PPM1L: variants seen among roughly 807,000 people sequenced by gnomAD.
The protein encoded by PPM1L is protein phosphatase, Mg2+/Mn2+ dependent 1L.
Under a neutral mutation model 31.4 loss-of-function variants are expected in PPM1L, and 13 were observed. That is an observed-to-expected ratio of 0.41 (90% CI 0.27 to 0.66). The LOEUF (loss-of-function observed/expected upper bound fraction) is 0.66. Among genes scored for constraint, PPM1L ranks in the 30% least tolerant of loss-of-function variants. The pLI is 0.29. For missense variants in PPM1L, 326 were observed against 453.7 expected (o/e 0.72, Z 2.56); for synonymous variants, 184 against 175.4 (o/e 1.05, Z -0.39).
intron 2 of PPM1L, among the ~76,000 whole-genome samples, chr3:161,002,511 C>A (rs1293394554): frequency 6.6e-6 from 1 of 151,670 alleles, no homozygotes; most frequent in Non-Finnish European, 1.5e-5. Context: ...TGTTTCCTGA[C>A]TTTTTAATGA....
At chr3:160,965,414 A>T (rs573523588) in intron 2 of PPM1L, among the ~76,000 whole-genome samples, 1 of 152,172 alleles carries the variant, frequency 6.6e-6, no homozygotes, top group East Asian at 1.9e-4. Context: ...ACATACACCC[A>T]TTCTGTTTTT....
intron 2 of PPM1L, chr3:161,022,558 C>T (rs1718262044): frequency 6.2e-6 from 1 of 161,408 alleles, no homozygotes; most frequent in African/African-American, 2.4e-5. Context: ...CCTTGTATTT[C>T]ACTTTGAAGG....
chr3:160,929,050 G>T (rs1208160664), intron 1 of PPM1L, among the ~76,000 whole-genome samples: 1 of 151,882 alleles, frequency 6.6e-6, no homozygotes, highest in Non-Finnish European at 1.5e-5. Flanking sequence ...GTTTTGCTTT[G>T]CTTAAGGTAG....
chr3:161,016,982 T>TC (rs1371252532), intron 2 of PPM1L, among the ~76,000 whole-genome samples: 1 of 152,206 alleles, frequency 6.6e-6, no homozygotes, highest in Non-Finnish European at 1.5e-5. Context: ...CTTCTTTTTT[T>TC]TTCTTCTTCT....
In PPM1L at chr3:160,808,412, T is replaced by TGCGTGC. The variant is rs1320794227; in HGVS notation, c.399+51706_399+51707insCGTGCG. 3.7e-3 allele frequency among the ~76,000 whole-genome samples: 448 copies of TGCGTGC among 122,456 alleles called. 11 individuals are homozygous for TGCGTGC. The highest frequency in any genetic ancestry group is 4.4e-3 in the Non-Finnish European group (255 of 57,828). The allele number at this position is 122,456 out of a possible 152,430, so 80.3% of individuals were successfully genotyped here. ...GTGTGTGTGTGTGTGTGTGTGTGTG[T>TGCGTGC]GTGTGTGTGTGGTGGGTGAGGGAAG... is the stretch of plus-strand genomic sequence containing the variant. On this transcript the variant is annotated intron_variant, in intron 1 of 3. Transcript: ENST00000498165.
intron 1 of PPM1L, among the ~76,000 whole-genome samples, chr3:160,941,769 T>C (rs1018064626): frequency 3.9e-5 from 6 of 152,236 alleles, no homozygotes; most frequent in Non-Finnish European, 7.3e-5. Flanking sequence ...TGTATTATTT[T>C]GTAGTTATTT....
intron 1 of PPM1L, among the ~76,000 whole-genome samples, chr3:160,807,172 C>T (rs568949702): frequency 3.3e-5 from 5 of 152,228 alleles, no homozygotes; most frequent in African/African-American, 7.2e-5. Flanking sequence ...GAGATTAAAA[C>T]ATTTGGTGAT....
intron 1 of PPM1L, among the ~76,000 whole-genome samples, chr3:160,918,032 A>T (rs1277646759): frequency 6.6e-6 from 1 of 152,206 alleles, no homozygotes; most frequent in Non-Finnish European, 1.5e-5. Flanking sequence ...CCAGCTGCAC[A>T]TGCACACTTG....
chr3:161,041,372 TG>T lies in PPM1L; in HGVS notation c.575-24028del, dbSNP rs1388375175. Among the ~76,000 whole-genome samples the T allele has an allele frequency of 3.3e-5, 5 of 152,238 alleles. No individual in the cohort carries two copies. The East Asian group carries it at 9.6e-4, about 29-fold the overall frequency. ...AAACCAAGCTGCACCCTGACCACCT[TG>T]GGCACATGTTCGCAGGATCTCCTGA... is the stretch of plus-strand genomic sequence containing the variant. On this transcript the variant is annotated intron_variant, in intron 2 of 3. Transcript: ENST00000498165.
Position 160,843,011 on chromosome 3 carries a change from T to A in PPM1L, c.399+86304T>A, listed in dbSNP as rs187641750. 9.9e-5 allele frequency among the ~76,000 whole-genome samples: 15 copies of A among 152,274 alleles called. No homozygotes were observed. In the East Asian group the frequency reaches 2.7e-3, roughly 27 times the overall value. ...TTAGATTCCCTTTCACTCTTTCACT[T>A]TTTCCAATAGTTTTTGGCTTTTACT... On this transcript the variant is annotated intron_variant, in intron 1 of 3. Transcript: ENST00000498165.
chr3:160,824,876 T>C (rs1054161590), intron 1 of PPM1L, among the ~76,000 whole-genome samples: 2 of 152,180 alleles, frequency 1.3e-5, no homozygotes, highest in Non-Finnish European at 2.9e-5. Context: ...TTTTATACTC[T>C]CTTTCCTGCC....
chr3:160,852,248 C>T (rs1382127303), intron 1 of PPM1L, among the ~76,000 whole-genome samples: 8 of 152,070 alleles, frequency 5.3e-5, no homozygotes, highest in Admixed American at 1.3e-4. Context: ...GCACCCAGGA[C>T]GATCAGGACA....
intron 2 of PPM1L, among the ~76,000 whole-genome samples, chr3:160,969,676 C>T (rs186814563): frequency 1.3e-5 from 2 of 152,308 alleles, no homozygotes; most frequent in East Asian, 1.9e-4. Context: ...GACCCCATTT[C>T]TTAGCTCAAA....
intron 2 of PPM1L, among the ~76,000 whole-genome samples, chr3:160,990,721 C>T (rs765621007): frequency 3.4e-4 from 52 of 152,260 alleles, no homozygotes; most frequent in Non-Finnish European, 5.4e-4. Flanking sequence ...TATACTAAAG[C>T]GATTCCCAAA....
intron 2 of PPM1L, among the ~76,000 whole-genome samples, chr3:161,064,512 C>A (rs976882519): frequency 2.0e-5 from 3 of 151,918 alleles, no homozygotes; most frequent in Non-Finnish European, 2.9e-5. Flanking sequence ...ATAATTTTAA[C>A]GAGGGAGATA....
chr3:160,839,452 C>T (rs1713805640), intron 1 of PPM1L, among the ~76,000 whole-genome samples: 1 of 152,070 alleles, frequency 6.6e-6, no homozygotes, highest in African/African-American at 2.4e-5. Flanking sequence ...CAGTCTTTTA[C>T]CCACCACTCT....
intron 1 of PPM1L, among the ~76,000 whole-genome samples, chr3:160,947,509 C>A (rs1715446370): frequency 6.6e-6 from 1 of 152,108 alleles, no homozygotes; most frequent in Non-Finnish European, 1.5e-5. Flanking sequence ...TCAGGAAACC[C>A]TCTTCTCCCC....
chr3:160,908,434 T>G (rs1186071930), intron 1 of PPM1L, among the ~76,000 whole-genome samples: 1 of 152,230 alleles, frequency 6.6e-6, no homozygotes, highest in East Asian at 1.9e-4. Flanking sequence ...ATCAGTTTCC[T>G]GGAGCCTTGT....
chr3:160,958,460 G>A (rs1715852114), intron 1 of PPM1L, among the ~76,000 whole-genome samples: 1 of 152,224 alleles, frequency 6.6e-6, no homozygotes, highest in South Asian at 2.1e-4. Context: ...ACTATTTCCT[G>A]TACCTCATAG....
Sources: gnomAD v4.1 joint callset for allele counts (sites outside exome capture counted in the v4.1 genomes callset) on GRCh38, gnomAD v4.1.1 for gene constraint, MANE v1.5 for transcripts, NCBI Gene and HGNC (gene_info 2026-07-23, HGNC 2026-07-21) for gene names.